Variants in CXCL8 observed in about 807,000 individuals in gnomAD.
The protein encoded by CXCL8 is interleukin-8.
A neutral mutation model predicts 10.9 loss-of-function variants in CXCL8; 12 were observed. The observed-to-expected ratio is 1.10, with a 90% confidence interval of 0.71 to 1.79. CXCL8 has a LOEUF of 1.79. Ranked by LOEUF, CXCL8 falls within the 40% of genes most tolerant of loss-of-function variation. The pLI, the probability that CXCL8 is intolerant of heterozygous loss-of-function variation, is 0.00. For synonymous variants in CXCL8, 41 were observed against 39.6 expected (o/e 1.03, Z -0.13); for missense variants, 145 against 113.4 (o/e 1.28, Z -1.26).
At chr4:73,740,870 G>T in intron 1 of CXCL8, 148 bp downstream of exon 1, 1 of 648,882 alleles carries the variant, frequency 1.5e-6, no homozygotes, top group South Asian at 2.2e-5. Context: ...TTAAATTGAA[G>T]ATTTAGAAAA....
chr4:73,742,639 C>T lies in CXCL8; in HGVS notation c.*175C>T. ...AACAATGAATAGTTTTTCATTGTAC[C>T]ATGAAATATCCAGAACATACTTATA... On this transcript the variant is annotated 3_prime_UTR_variant, in exon 4 of 4. Coordinates refer to ENST00000307407, the MANE Select transcript of CXCL8 (RefSeq NM_000584.4). 1 of 443,364 alleles carries T rather than the reference C, an allele frequency of 2.3e-6. No homozygotes were observed. The highest frequency in any genetic ancestry group is 4.1e-6 in the Non-Finnish European group (1 of 241,668). The allele number at this position is 443,364 out of a possible 1,614,324, so 27.5% of individuals were successfully genotyped here. A position where few individuals can be genotyped will look rare whatever the true frequency, so the allele number is the denominator to read the frequency against.
chr4:73,740,865 T>A lies in CXCL8; in HGVS notation c.64+143T>A, dbSNP rs2227539. ...ATCTTAGCAGTCAATTAATGTTAAA[T>A]TGAAGATTTAGAAAAAACTATATAT... On this transcript the variant is annotated intron_variant, in intron 1 of 3. Transcript: ENST00000307407. The A allele has an allele frequency of 5.5e-4, 368 of 672,282 alleles. 1 individual carries two copies. In the African/African-American group the frequency reaches 6.0e-3, roughly 11 times the overall value. 41.6% of individuals were successfully genotyped at this position (672,282 alleles called of 1,614,324 possible).
chr4:73,741,760 G>A (rs1462593679), intron 2 of CXCL8, 83 bp downstream of exon 2: 4 of 1,321,320 alleles, frequency 3.0e-6, no homozygotes, highest in East Asian at 4.8e-5. Flanking sequence ...AAAGTTCCAG[G>A]TGTTAGGATT....
In CXCL8 at chr4:73,741,587, T is replaced by C. The variant is rs1385969938; in HGVS notation, c.110T>C (p.Ile37Thr). ...GCTAAAGAACTTAGATGTCAGTGCA[T>C]AAAGACATACTCCAAACCTTTCCAC... ...RSAKELRCQC[I>T]KTYSKPFHPK... is the part of the protein sequence containing the mutation. The change falls in exon 2 of 4, where the codon ATA (isoleucine) becomes ACA (threonine). Residue 37 changes from isoleucine (I) to threonine (T), a missense_variant. Physicochemically the swap from Ile to Thr is moderately conservative, Grantham distance 89. Coordinates refer to ENST00000307407, the MANE Select transcript of CXCL8 (RefSeq NM_000584.4). The C allele has an allele frequency of 6.2e-7, 1 of 1,613,264 alleles. No homozygotes were observed. The highest frequency in any genetic ancestry group is 1.1e-5 in the South Asian group (1 of 91,080).
chr4:73,742,148 G>A, intron 3 of CXCL8, 116 bp downstream of exon 3: 3 of 489,822 alleles, frequency 6.1e-6, no homozygotes, highest in East Asian at 3.4e-5. Flanking sequence ...CTGCCTTTTT[G>A]GTTAAAAAAA....
Position 73,742,868 on chromosome 4 carries a change from A to G in CXCL8, c.*404A>G, listed in dbSNP as rs1400025826. The G allele has an allele frequency of 8.6e-6, 2 of 232,276 alleles. No homozygotes were observed. Among genetic ancestry groups the G allele is most frequent in the Non-Finnish European group, 8.5e-6 (1 of 117,546 alleles). 14.4% of individuals were successfully genotyped at this position (232,276 alleles called of 1,614,324 possible). A position where few individuals can be genotyped will look rare whatever the true frequency, so the allele number is the denominator to read the frequency against. On this transcript the variant is annotated 3_prime_UTR_variant, in exon 4 of 4. Coordinates refer to ENST00000307407, the MANE Select transcript of CXCL8 (RefSeq NM_000584.4). ...CATCACATAAAAATGATGGGACAAT[A>G]AATTTTGCCATAAAGTCAAATTTAG...
Position 73,743,572 on chromosome 4 carries a change from T to A in CXCL8, c.*1108T>A. 1 of 198,594 alleles carries A rather than the reference T, an allele frequency of 5.0e-6. No individual in the cohort carries two copies. The allele number at this position is 198,594 out of a possible 1,614,324, so 12.3% of individuals were successfully genotyped here. ...ATAGATTCTTATAATATTATTTAAA[T>A]GACTGCATTTTTAAATACAAGGCTT... On this transcript the variant is annotated 3_prime_UTR_variant, in exon 4 of 4. Coordinates refer to ENST00000307407, the MANE Select transcript of CXCL8 (RefSeq NM_000584.4).
rs191013479 is a variant in CXCL8 at position 73,742,694 on chromosome 4, A to G, written c.*230A>G. 2.8e-6 allele frequency: 1 copy of G among 363,204 alleles called. No individual in the cohort carries two copies. Among genetic ancestry groups the G allele is most frequent in the East Asian group, 4.0e-5 (1 of 24,882 alleles). 22.5% of individuals were successfully genotyped at this position (363,204 alleles called of 1,614,324 possible). ...AAGTATTATTTATTTGAATCTACAAAAAACAACAAATAATTTTTAAATATA... is the reference window on the plus strand; with the variant it reads ...AAGTATTATTTATTTGAATCTACAAGAAACAACAAATAATTTTTAAATATA... On this transcript the variant is annotated 3_prime_UTR_variant, in exon 4 of 4. Coordinates refer to ENST00000307407, the MANE Select transcript of CXCL8 (RefSeq NM_000584.4).
In CXCL8 at chr4:73,742,031, A is replaced by C; in HGVS notation, c.283A>C (p.Arg95=). 1 of 1,563,394 alleles carries C rather than the reference A, an allele frequency of 6.4e-7. No individual in the cohort carries two copies. The highest frequency in any genetic ancestry group is 8.8e-7 in the Non-Finnish European group (1 of 1,140,680). The stretch of plus-strand genomic sequence containing the variant: ...GAGGGTTGTGGAGAAGTTTTTGAAG[A>C]GGTAAGTTATATATTTTTTAATTTA... ...VQRVVEKFLK[R]AENS The change falls in exon 3 of 4, where the codon AGG becomes CGG. Residue 95 remains arginine (R), a splice_region_variant and synonymous_variant. Transcript: ENST00000307407.
At chr4:73,740,885 A>G (rs559147901) in intron 1 of CXCL8, among the ~76,000 whole-genome samples, 163 bp downstream of exon 1, 2 of 152,200 alleles carry the variant, frequency 1.3e-5, no homozygotes, top group Non-Finnish European at 2.9e-5. Context: ...AGAAAAAACT[A>G]TATATAACAC....
chr4:73,740,599 G>A lies in CXCL8; in HGVS notation c.-60G>A, dbSNP rs1729142697. Reference sequence around the variant, plus strand: ...CTTTCAGAGACAGCAGAGCACACAAGCTTCTAGGACAAGAGCCAGGAAGAA... The same window carrying A: ...CTTTCAGAGACAGCAGAGCACACAAACTTCTAGGACAAGAGCCAGGAAGAA... On this transcript the variant is annotated 5_prime_UTR_variant, in exon 1 of 4. Transcript: ENST00000307407. 1.3e-6 allele frequency: 2 copies of A among 1,495,062 alleles called. No individual in the cohort carries two copies. The highest frequency in any genetic ancestry group is 1.4e-5 in the African/African-American group (1 of 71,476). 92.6% of individuals were successfully genotyped at this position (1,495,062 alleles called of 1,614,324 possible).
chr4:73,740,807 A>G (rs1301124174), intron 1 of CXCL8, 85 bp downstream of exon 1: 10 of 1,035,870 alleles, frequency 9.7e-6, no homozygotes, highest in Admixed American at 8.9e-5. Context: ...TGCTTTGGTA[A>G]CAAACATCCT....
chr4:73,742,173 A>G lies in CXCL8; in HGVS notation c.284+141A>G, dbSNP rs998204273. On this transcript the variant is annotated intron_variant, in intron 3 of 3. Transcript: ENST00000307407. ...GGTTAAAAAAAAAAGGAATAGCATC[A>G]ATAGTGAGTTTGTTGTACTCATGAC... 3.3e-5 allele frequency: 20 copies of G among 605,192 alleles called. No homozygotes were observed. In the East Asian group the frequency reaches 5.4e-4, roughly 16 times the overall value. The allele number at this position is 605,192 out of a possible 1,614,324, so 37.5% of individuals were successfully genotyped here.
chr4:73,743,682 T>C lies in CXCL8; in HGVS notation c.*1218T>C, dbSNP rs2227548. ...TTGTATGGAAATATAAAAGTAAATATGAAACATTTAAAATATAATTTGTTG... is the reference window on the plus strand; with the variant it reads ...TTGTATGGAAATATAAAAGTAAATACGAAACATTTAAAATATAATTTGTTG... On this transcript the variant is annotated 3_prime_UTR_variant, in exon 4 of 4. Transcript: ENST00000307407. 596 of 198,582 alleles carry C rather than the reference T, an allele frequency of 3.0e-3. 1 individual carries two copies. The highest frequency in any genetic ancestry group is 0.012 in the African/African-American group (539 of 43,840). 12.3% of individuals were successfully genotyped at this position (198,582 alleles called of 1,614,324 possible).
In CXCL8 at chr4:73,743,231, A is replaced by G. The variant is rs1364198270; in HGVS notation, c.*767A>G. The G allele has an allele frequency of 9.0e-6, 2 of 221,130 alleles. No individual in the cohort carries two copies. Among genetic ancestry groups the G allele is most frequent in the East Asian group, 6.7e-5 (1 of 14,828 alleles). 13.7% of individuals were successfully genotyped at this position (221,130 alleles called of 1,614,324 possible). On this transcript the variant is annotated 3_prime_UTR_variant, in exon 4 of 4. Transcript: ENST00000307407. ...TGTTATAGTAAATTTATTTTATTTT[A>G]GATATTAAATGATGTTTTATTAGAT...
In CXCL8 at chr4:73,742,792, G is replaced by A. The variant is rs1054915744; in HGVS notation, c.*328G>A. On this transcript the variant is annotated 3_prime_UTR_variant, in exon 4 of 4. Coordinates refer to ENST00000307407, the MANE Select transcript of CXCL8 (RefSeq NM_000584.4). ...GAGGCCAAGGGCCAAGAGAATATCC[G>A]AACTTTAATTTCAGGAATTGAATGG... 3.2e-5 allele frequency: 8 copies of A among 251,412 alleles called. No homozygotes were observed. The highest frequency in any genetic ancestry group is 1.7e-4 in the South Asian group (1 of 5,806). 15.6% of individuals were successfully genotyped at this position (251,412 alleles called of 1,614,324 possible).
chr4:73,742,497 G>C lies in CXCL8; in HGVS notation c.*33G>C. 1 of 1,407,630 alleles carries C rather than the reference G, an allele frequency of 7.1e-7. No individual in the cohort carries two copies. The highest frequency in any genetic ancestry group is 1.3e-5 in the South Asian group (1 of 78,476). 87.2% of individuals were successfully genotyped at this position (1,407,630 alleles called of 1,614,324 possible). ...CATTCTCTGTGGTATCCAAGAATCA[G>C]TGAAGATGCCAGTGAAACTTCAAGC... On this transcript the variant is annotated 3_prime_UTR_variant, in exon 4 of 4. Coordinates refer to ENST00000307407, the MANE Select transcript of CXCL8 (RefSeq NM_000584.4).
intron 1 of CXCL8, among the ~76,000 whole-genome samples, chr4:73,741,133 C>G (rs972322273): frequency 6.6e-6 from 1 of 152,032 alleles, no homozygotes. Flanking sequence ...TTAAAGATAC[C>G]CTGATTATAG....
intron 1 of CXCL8, 100 bp from the exon 2 acceptor site, chr4:73,741,442 C>T: frequency 8.8e-7 from 1 of 1,136,624 alleles, no homozygotes; most frequent in South Asian, 1.5e-5. Context: ...ATGATGCCTT[C>T]CATAGTCTCC....
Sources: allele counts gnomAD v4.1 joint callset (sites outside exome capture counted in the v4.1 genomes callset), GRCh38; gene constraint gnomAD v4.1.1; transcripts MANE v1.5; gene names NCBI Gene and HGNC (gene_info 2026-07-23, HGNC 2026-07-21).